Variants in CAMK1D observed in about 807,000 individuals in gnomAD.
CAMK1D encodes calcium/calmodulin dependent protein kinase ID.
A neutral mutation model predicts 47.7 loss-of-function variants in CAMK1D; 9 were observed. The ratio of observed to expected loss-of-function variants is 0.19; its 90% confidence interval spans 0.11 to 0.33. The LOEUF is 0.33. Among genes scored for constraint, CAMK1D ranks in the 10% least tolerant of loss-of-function variants. CAMK1D has a pLI of 1.00. For synonymous variants in CAMK1D, 184 were observed against 184.9 expected, an observed-to-expected ratio of 0.99 and a Z score of 0.04; for missense variants, 291 against 488.7, an observed-to-expected ratio of 0.60 and a Z score of 3.81.
At position 12,598,497 on chromosome 10, in the gene CAMK1D, G is replaced by A. The variant is rs563994604; in HGVS notation, c.224+45141G>A. On this transcript the variant is annotated intron_variant, in intron 2 of 10. Coordinates refer to ENST00000619168, the MANE Select transcript of CAMK1D (RefSeq NM_153498.4). ...GGCAGCATTTTCCATATCTCAGGAA[G>A]CAGTCTCATTTTCAAAGGAAAATGA... 5.3e-5 allele frequency among the ~76,000 whole-genome samples: 8 copies of A among 152,310 alleles called. No homozygotes were observed. The East Asian group carries it at 1.5e-3, about 29-fold the overall frequency.
chr10:12,798,055 C>T (rs1838270078), intron 6 of CAMK1D, among the ~76,000 whole-genome samples: 1 of 152,126 alleles, frequency 6.6e-6, no homozygotes, highest in Non-Finnish European at 1.5e-5. Context: ...TGTGGCTTTG[C>T]CTTCAAAGGC....
intron 3 of CAMK1D, among the ~76,000 whole-genome samples, chr10:12,727,441 T>G (rs577714740): frequency 6.6e-6 from 1 of 152,364 alleles, no homozygotes; most frequent in South Asian, 2.1e-4. Flanking sequence ...AATTTGTGTT[T>G]TGACAACGTT....
intron 3 of CAMK1D, among the ~76,000 whole-genome samples, chr10:12,670,044 A>G (rs950002857): frequency 7.2e-5 from 11 of 151,838 alleles, no homozygotes; most frequent in African/African-American, 2.7e-4. Flanking sequence ...TAGGAGTGGA[A>G]TGAATGGGTC....
chr10:12,361,974 C>G (rs192569651), intron 1 of CAMK1D, among the ~76,000 whole-genome samples: 2 of 152,144 alleles, frequency 1.3e-5, no homozygotes, highest in African/African-American at 4.8e-5. Flanking sequence ...CCCTACCCCC[C>G]GCCGGTCTGT....
chr10:12,731,625 T>C (rs2130812953), intron 3 of CAMK1D, among the ~76,000 whole-genome samples: 1 of 151,968 alleles, frequency 6.6e-6, no homozygotes, highest in East Asian at 1.9e-4. Context: ...AGAGGGACGG[T>C]GTATGGCAAG....
At chr10:12,714,761 T>TACACACACACACACACACACAC (rs55827922) in intron 3 of CAMK1D, among the ~76,000 whole-genome samples, 12 of 130,578 alleles carry the variant, frequency 9.2e-5, no homozygotes, top group South Asian at 2.8e-4. Flanking sequence ...TACATTAAAT[T>TACACACACACACACACACACAC]ACACACACAC....
At chr10:12,361,410 C>T (rs992633436) in intron 1 of CAMK1D, among the ~76,000 whole-genome samples, 2 of 151,842 alleles carry the variant, frequency 1.3e-5, no homozygotes, top group Non-Finnish European at 2.9e-5. Context: ...CCACACCCAG[C>T]TAATTTTTGT....
At chr10:12,480,961 G>T (rs1237031359) in intron 1 of CAMK1D, among the ~76,000 whole-genome samples, 1 of 152,190 alleles carries the variant, frequency 6.6e-6, no homozygotes, top group Admixed American at 6.5e-5. Context: ...ACAGCCCTTG[G>T]TCATTCCTGG....
intron 1 of CAMK1D, among the ~76,000 whole-genome samples, chr10:12,545,366 C>T (rs1836329152): frequency 6.7e-6 from 1 of 149,120 alleles, no homozygotes. Context: ...AGGAGAATTG[C>T]TTGAACCCCA....
At chr10:12,664,182 C>T (rs979436187) in intron 2 of CAMK1D, among the ~76,000 whole-genome samples, 1 of 152,212 alleles carries the variant, frequency 6.6e-6, no homozygotes, top group East Asian at 1.9e-4. Context: ...TCCTGAGTTT[C>T]TCTGCCTAGA....
intron 1 of CAMK1D, among the ~76,000 whole-genome samples, chr10:12,533,553 C>T (rs900935703): frequency 6.6e-6 from 1 of 152,150 alleles, no homozygotes; most frequent in East Asian, 1.9e-4. Context: ...AGGTATTAAG[C>T]TTTTGTCCCT....
At chr10:12,471,424 G>A (rs1833742968) in intron 1 of CAMK1D, among the ~76,000 whole-genome samples, 1 of 130,026 alleles carries the variant, frequency 7.7e-6, no homozygotes, top group Non-Finnish European at 1.7e-5. Context: ...GGCCAGGGTA[G>A]GGCTGGCTGT....
intron 1 of CAMK1D, among the ~76,000 whole-genome samples, chr10:12,419,513 A>G (rs1483009005): frequency 6.6e-6 from 1 of 152,102 alleles, no homozygotes; most frequent in Admixed American, 6.6e-5. Context: ...TGCAGGGCAC[A>G]TATTAGACAT....
At chr10:12,732,421 G>C (rs927570452) in intron 3 of CAMK1D, among the ~76,000 whole-genome samples, 1 of 152,034 alleles carries the variant, frequency 6.6e-6, no homozygotes, top group Non-Finnish European at 1.5e-5. Context: ...CCATTTTCAC[G>C]CTGCTGATAA....
intron 1 of CAMK1D, among the ~76,000 whole-genome samples, chr10:12,372,395 G>A (rs909739953): frequency 3.9e-5 from 6 of 152,220 alleles, no homozygotes; most frequent in African/African-American, 1.4e-4. Flanking sequence ...TATCTGTCTT[G>A]AAGAATTGGG....
intron 1 of CAMK1D, among the ~76,000 whole-genome samples, chr10:12,419,868 CTAAGT>C (rs1312314889): frequency 6.6e-6 from 1 of 152,018 alleles, no homozygotes; most frequent in Non-Finnish European, 1.5e-5. Context: ...ATTTAATAAA[CTAAGT>C]TGAGTTTTTT....
intron 3 of CAMK1D, among the ~76,000 whole-genome samples, chr10:12,743,461 G>A (rs1181504341): frequency 6.6e-6 from 1 of 152,086 alleles, no homozygotes; most frequent in Non-Finnish European, 1.5e-5. Context: ...TTCTGCTCCT[G>A]TTGATGAAAT....
intron 3 of CAMK1D, among the ~76,000 whole-genome samples, chr10:12,733,489 C>A (rs370782802): frequency 6.6e-6 from 1 of 152,060 alleles, no homozygotes; most frequent in African/African-American, 2.4e-5. Flanking sequence ...AGAGTGGCTT[C>A]TTTAATTAAT....
At chr10:12,777,701 G>T (rs1346424877) in intron 5 of CAMK1D, among the ~76,000 whole-genome samples, 1 of 152,076 alleles carries the variant, frequency 6.6e-6, no homozygotes, top group Admixed American at 6.6e-5. Context: ...TAAGTGTGGT[G>T]GCCCTGTGGT....
Sources: gnomAD v4.1 joint callset for allele counts (sites outside exome capture counted in the v4.1 genomes callset) on GRCh38, gnomAD v4.1.1 for gene constraint, MANE v1.5 for transcripts, NCBI Gene and HGNC (gene_info 2026-07-23, HGNC 2026-07-21) for gene names.